The following DNAH14 variants were observed in gnomAD, a reference collection of about 807,000 sequenced individuals.
DNAH14 encodes the protein dynein axonemal heavy chain 14, also known as axonemal beta dynein heavy chain 14.
Under a neutral mutation model 520.9 loss-of-function variants are expected in DNAH14, and 478 were observed. The ratio of observed to expected loss-of-function variants is 0.92; its 90% CI spans 0.85 to 0.99. DNAH14 has a LOEUF of 0.99. Ranked by LOEUF, DNAH14 falls within the 50% of genes least tolerant of loss-of-function variation. DNAH14 has a pLI of 0.00. For synonymous variants in DNAH14, 1,581 were observed against 1,757.2 expected, an observed-to-expected ratio of 0.90 and a Z score of 2.51; for missense variants, 4,831 against 5,234.5, an observed-to-expected ratio of 0.92 and a Z score of 2.38.
intron 35 of DNAH14, among the ~76,000 whole-genome samples, chr1:225,166,058 T>A (rs2082014080): frequency 6.6e-6 from 1 of 152,122 alleles, no homozygotes; most frequent in South Asian, 2.1e-4. Context: ...AATAAAAATA[T>A]CAGTTGGCAA....
At chr1:225,258,651 A>G (rs1000461515) in intron 45 of DNAH14, among the ~76,000 whole-genome samples, 6 of 152,192 alleles carry the variant, frequency 3.9e-5, no homozygotes, top group African/African-American at 1.4e-4. Flanking sequence ...AATTAAGGCA[A>G]TGTAACTCTC....
At chr1:225,026,021 T>TG (rs1334742072) in intron 11 of DNAH14, among the ~76,000 whole-genome samples, 3 of 151,922 alleles carry the variant, frequency 2.0e-5, no homozygotes, top group African/African-American at 7.2e-5. Context: ...TTAATTTAGA[T>TG]GGGGTCTTGT....
chr1:224,972,234 CTTAAT>C, intron 7 of DNAH14, among the ~76,000 whole-genome samples: 1 of 152,092 alleles, frequency 6.6e-6, no homozygotes, highest in Middle Eastern at 3.4e-3. Flanking sequence ...TTAATTTGTA[CTTAAT>C]TTTATATTTA....
intron 10 of DNAH14, among the ~76,000 whole-genome samples, chr1:225,015,444 C>A (rs1041652958): frequency 1.3e-5 from 2 of 152,112 alleles, no homozygotes; most frequent in Non-Finnish European, 2.9e-5. Flanking sequence ...TTGCCTCTCT[C>A]CTTTGTATAT....
At chr1:225,330,754 G>T (rs1479693869) in intron 64 of DNAH14, among the ~76,000 whole-genome samples, 1 of 152,124 alleles carries the variant, frequency 6.6e-6, no homozygotes, top group Non-Finnish European at 1.5e-5. Flanking sequence ...GCACAACAGG[G>T]TGATTGTAGT....
At position 225,240,826 on chromosome 1, in the gene DNAH14, A is replaced by T. The variant is rs1471866621; in HGVS notation, c.6748+4A>T. The T allele has an allele frequency of 5.9e-6, 9 of 1,529,988 alleles. No individual in the cohort carries two copies. Among genetic ancestry groups the T allele is most frequent in the East Asian group, 4.9e-5 (2 of 40,688 alleles). The allele number at this position is 1,529,988 out of a possible 1,614,324, so 94.8% of individuals were successfully genotyped here. A position where few individuals can be genotyped will look rare whatever the true frequency, so the allele number is the denominator to read the frequency against. On this transcript the variant is annotated splice_donor_region_variant and intron_variant, in intron 43 of 85. Coordinates refer to ENST00000682510, the MANE Select transcript of DNAH14 (RefSeq NM_001367479.1). ...TTTGGAAACAGTTCACAAGTAGGTA[A>T]GTTCTGTGGGAAAAATCATAACTAT...
intron 54 of DNAH14, among the ~76,000 whole-genome samples, chr1:225,284,616 A>G (rs1267663766): frequency 6.6e-6 from 1 of 152,208 alleles, no homozygotes; most frequent in Admixed American, 6.5e-5. Context: ...AGAAGAGGGA[A>G]TACTTCCCAA....
chr1:225,062,765 C>CT (rs1258846145), intron 17 of DNAH14, among the ~76,000 whole-genome samples: 2 of 152,142 alleles, frequency 1.3e-5, no homozygotes, highest in Non-Finnish European at 2.9e-5. Flanking sequence ...AGCAATAGAG[C>CT]TAACTATCCC....
chr1:225,096,314 T>G (rs1002208415), intron 21 of DNAH14, among the ~76,000 whole-genome samples: 2 of 152,124 alleles, frequency 1.3e-5, no homozygotes, highest in Non-Finnish European at 2.9e-5. Context: ...TGCAGTTTCT[T>G]GTGTATCAGT....
intron 8 of DNAH14, among the ~76,000 whole-genome samples, chr1:224,995,760 G>A (rs1433423109): frequency 6.6e-6 from 1 of 151,648 alleles, no homozygotes; most frequent in African/African-American, 2.4e-5. Context: ...TTTCTGACTG[G>A]ATAATTTCAC....
intron 17 of DNAH14, among the ~76,000 whole-genome samples, chr1:225,078,409 T>G (rs1176755820): frequency 2.0e-5 from 3 of 152,266 alleles, no homozygotes; most frequent in African/African-American, 7.2e-5. Flanking sequence ...AGTCATAATT[T>G]GCCATTTGTA....
At chr1:224,988,212 C>A (rs965879956) in intron 8 of DNAH14, among the ~76,000 whole-genome samples, 4 of 152,162 alleles carry the variant, frequency 2.6e-5, no homozygotes, top group Non-Finnish European at 5.9e-5. Context: ...CCATCCATGT[C>A]CCTGCAAAAG....
At chr1:225,042,260 G>A (rs1015668581) in intron 12 of DNAH14, among the ~76,000 whole-genome samples, 3 of 152,270 alleles carry the variant, frequency 2.0e-5, no homozygotes, top group African/African-American at 7.2e-5. Flanking sequence ...TTATGATGTA[G>A]GAAGGAACAG....
At chr1:224,940,403 A>T (rs927631117) in intron 1 of DNAH14, among the ~76,000 whole-genome samples, 1 of 152,170 alleles carries the variant, frequency 6.6e-6, no homozygotes, top group African/African-American at 2.4e-5. Context: ...ATATCAATCA[A>T]TTAATGGTGG....
rs776903509 is a variant in DNAH14, at chr1:225,051,801, T to C, written c.2424+6T>C. ...AGAACAAAAATTTATTGGAAGTAAGTATTTTGAAAATTCTTATTGTGTAAG... is the reference window on the plus strand; with the variant it reads ...AGAACAAAAATTTATTGGAAGTAAGCATTTTGAAAATTCTTATTGTGTAAG... On this transcript the variant is annotated splice_donor_region_variant and intron_variant, in intron 17 of 85. Coordinates refer to ENST00000682510, the MANE Select transcript of DNAH14 (RefSeq NM_001367479.1). The C allele has an allele frequency of 6.8e-7, 1 of 1,472,676 alleles. No individual in the cohort carries two copies. Among genetic ancestry groups the C allele is most frequent in the East Asian group, 2.5e-5 (1 of 40,018 alleles). 91.2% of individuals were successfully genotyped at this position (1,472,676 alleles called of 1,614,324 possible).
chr1:225,283,976 A>G (rs2093682699), intron 54 of DNAH14, among the ~76,000 whole-genome samples: 1 of 152,156 alleles, frequency 6.6e-6, no homozygotes, highest in Admixed American at 6.6e-5. Flanking sequence ...ACTTTGAGAT[A>G]CATGGAAACA....
chr1:225,148,619 C>A (rs1042714075), intron 31 of DNAH14, among the ~76,000 whole-genome samples: 3 of 152,058 alleles, frequency 2.0e-5, no homozygotes, highest in African/African-American at 7.2e-5. Context: ...TCAGGCTGGT[C>A]TCAAACTCCT....
Position 225,324,802 on chromosome 1 carries a change from A to G in DNAH14, c.9693A>G (p.Arg3231=). 6.4e-7 allele frequency: 1 copy of G among 1,551,560 alleles called. No individual in the cohort carries two copies. Among genetic ancestry groups the G allele is most frequent in the Non-Finnish European group, 8.7e-7 (1 of 1,146,928 alleles). Residue 3231 remains arginine (R), a synonymous_variant, in exon 64 of 86, where the codon AGA becomes AGG. Coordinates refer to ENST00000682510, the MANE Select transcript of DNAH14 (RefSeq NM_001367479.1). ...AQNVLKIARQ[R]LAEKQRGLQL... Reference sequence around the variant, plus strand: ...ACGTCCTTAAAATTGCGCGACAAAGACTTGCTGAGAAACAAAGAGGTTTAC... The same window carrying G: ...ACGTCCTTAAAATTGCGCGACAAAGGCTTGCTGAGAAACAAAGAGGTTTAC...
intron 12 of DNAH14, among the ~76,000 whole-genome samples, chr1:225,040,967 T>C (rs1222886553): frequency 6.6e-6 from 1 of 152,222 alleles, no homozygotes; most frequent in Non-Finnish European, 1.5e-5. Context: ...TGAGCATTTT[T>C]TCATGTAACT....
Sources: allele counts gnomAD v4.1 joint callset (sites outside exome capture counted in the v4.1 genomes callset), GRCh38; gene constraint gnomAD v4.1.1; transcripts MANE v1.5; gene names NCBI Gene and HGNC (gene_info 2026-07-23, HGNC 2026-07-21).